Variants in SSX2IP observed in about 807,000 individuals in gnomAD.
SSX2IP encodes the protein SSX family member 2 interacting protein, also known as afadin- and alpha-actinin-binding protein.
In SSX2IP, 55 loss-of-function variants were observed where a neutral mutation model predicts 84.9. The ratio of observed to expected loss-of-function variants is 0.65; its 90% CI spans 0.52 to 0.81. The LOEUF (loss-of-function observed/expected upper bound fraction) is 0.81, where lower values mean the gene tolerates loss of function less well. Ranked by LOEUF, SSX2IP falls within the 30% of genes least tolerant of loss-of-function variation. The pLI, the probability that SSX2IP is intolerant of heterozygous loss-of-function variation, is 0.00. For synonymous variants in SSX2IP, 239 were observed against 234.7 expected (o/e 1.02, Z -0.17); for missense variants, 664 against 705.2 (o/e 0.94, Z 0.66).
intron 1 of SSX2IP, among the ~76,000 whole-genome samples, chr1:84,673,906 T>C (rs557996362): frequency 7.2e-5 from 11 of 152,184 alleles, no homozygotes; most frequent in African/African-American, 4.8e-5. Context: ...TTTGCCACTT[T>C]TCTACTCATG....
At position 84,651,893 on chromosome 1, in the gene SSX2IP, G is replaced by C. The variant is rs993584788; in HGVS notation, c.1494C>G (p.Ala498=). 1 of 1,609,674 alleles carries C rather than the reference G, an allele frequency of 6.2e-7. No individual in the cohort carries two copies. The part of the protein sequence containing the change: ...QNSENVKLFS[A]FSGSSDWDNL... Reference sequence around the variant, plus strand: ...TTATAAAGTACTCACTTCCTGAGAAGGCACTGAAAAGTTTCACATTTTCTG... The same window carrying C: ...TTATAAAGTACTCACTTCCTGAGAACGCACTGAAAAGTTTCACATTTTCTG... The change falls in exon 12 of 14, where the codon GCC becomes GCG. Residue 498 remains alanine (A), a synonymous_variant. Coordinates refer to ENST00000342203, the MANE Select transcript of SSX2IP (RefSeq NM_001166293.2).
intron 2 of SSX2IP, 86 bp downstream of exon 2, chr1:84,671,091 C>G: frequency 6.8e-7 from 1 of 1,468,832 alleles, no homozygotes; most frequent in Non-Finnish European, 9.3e-7. Flanking sequence ...ACATCTTCAA[C>G]ATCTGCAGTA....
At chr1:84,648,105 AG>A (rs777915361) in intron 13 of SSX2IP, among the ~76,000 whole-genome samples, 14 of 152,292 alleles carry the variant, frequency 9.2e-5, no homozygotes, top group Non-Finnish European at 1.8e-4. Context: ...TCTACAGTGA[AG>A]GAACAATGAG....
At chr1:84,682,309 T>C (rs2911570) in intron 1 of SSX2IP, among the ~76,000 whole-genome samples, 148,599 of 152,264 alleles carry the variant, frequency 0.98, 72,602 homozygotes, top group East Asian at 1. Context: ...TCAGAGGCCA[T>C]GGTTCTCAGC....
chr1:84,669,701 T>C lies in SSX2IP; in HGVS notation c.406A>G (p.Ser136Gly), dbSNP rs777137583. 20 of 1,613,580 alleles carry C rather than the reference T, an allele frequency of 1.2e-5. No homozygotes were observed. In the Admixed American group the frequency reaches 3.2e-4, roughly 26 times the overall value. Residue 136 changes from serine (S) to glycine (G), a missense_variant, in exon 4 of 14, where the codon AGC becomes GGC. By Grantham distance (56) the Ser-to-Gly change is moderately conservative. Coordinates refer to ENST00000342203, the MANE Select transcript of SSX2IP (RefSeq NM_001166293.2). ...KLGSDMDHLQ[S>G]CYSKLKEQLE... is the part of the protein sequence containing the mutation. The stretch of plus-strand genomic sequence containing the variant: ...TCTACCTTAAGTTTTGAGTAGCAGC[T>C]CTGTAGATGGTCCATATCACTTCCC...
At chr1:84,664,893 C>T in intron 5 of SSX2IP, among the ~76,000 whole-genome samples, 1 of 152,142 alleles carries the variant, frequency 6.6e-6, no homozygotes, top group East Asian at 1.9e-4. Flanking sequence ...TAGTGAACTC[C>T]TTGTATTACT....
intron 5 of SSX2IP, 23 bp from the exon 6 acceptor site, chr1:84,664,575 T>C (rs934805914): frequency 6.5e-7 from 1 of 1,539,846 alleles, no homozygotes; most frequent in Non-Finnish European, 8.7e-7. Flanking sequence ...TTTGCTATTA[T>C]AAGCCCAGTA....
chr1:84,690,549 CCACCCCGCCCCCGCGCGCCGG>C (rs1656488564), upstream of SSX2IP: 1 of 152,278 alleles, frequency 6.6e-6, no homozygotes, highest in South Asian at 2.1e-4. Flanking sequence ...TCCGAGGTTC[CCACCCCGCCCCCGCGCGCCGG>C]CGCCGCAGGC....
chr1:84,656,515 C>CT (rs1166412703), intron 9 of SSX2IP, 31 bp from the exon 10 acceptor site: 1 of 1,593,256 alleles, frequency 6.3e-7, no homozygotes, highest in East Asian at 2.3e-5. Context: ...TGACATAGGT[C>CT]TTATAGCCAC....
intron 9 of SSX2IP, among the ~76,000 whole-genome samples, chr1:84,657,082 T>C (rs1448176876): frequency 2.0e-5 from 3 of 152,180 alleles, no homozygotes; most frequent in Non-Finnish European, 4.4e-5. Context: ...CTTAACACAA[T>C]GGCACTGAGT....
At chr1:84,666,881 T>C (rs1014150713) in intron 4 of SSX2IP, among the ~76,000 whole-genome samples, 2 of 152,176 alleles carry the variant, frequency 1.3e-5, no homozygotes, top group African/African-American at 2.4e-5. Flanking sequence ...GCCACCCATA[T>C]GGAATATTTT....
intron 4 of SSX2IP, 140 bp downstream of exon 4, chr1:84,669,541 A>G (rs182514629): frequency 2.7e-5 from 18 of 668,098 alleles, no homozygotes; most frequent in African/African-American, 1.8e-5. Flanking sequence ...TGTGTAAATT[A>G]TAAGTTCACT....
chr1:84,665,791 G>A (rs1487431267), intron 5 of SSX2IP, among the ~76,000 whole-genome samples: 1 of 152,154 alleles, frequency 6.6e-6, no homozygotes, highest in Non-Finnish European at 1.5e-5. Flanking sequence ...AGGTACAGCA[G>A]AGAATAAAAG....
intron 13 of SSX2IP, among the ~76,000 whole-genome samples, chr1:84,648,969 G>A (rs1235906632): frequency 6.6e-6 from 1 of 152,020 alleles, no homozygotes; most frequent in African/African-American, 2.4e-5. Context: ...TTATATTACA[G>A]ACTCCTACAA....
upstream of SSX2IP, chr1:84,690,700 G>C (rs911264057): frequency 6.6e-6 from 1 of 152,310 alleles, no homozygotes; most frequent in East Asian, 1.9e-4. Flanking sequence ...AGAAAAAGAA[G>C]ACCTTATCCC....
At chr1:84,660,136 T>C (rs1651726040) in intron 8 of SSX2IP, among the ~76,000 whole-genome samples, 1 of 151,954 alleles carries the variant, frequency 6.6e-6, no homozygotes, top group South Asian at 2.1e-4. Flanking sequence ...TTTCTCTTGC[T>C]ATAATGCTTC....
In SSX2IP at chr1:84,671,310, T is replaced by TAAATGGTCCTGAACA; in HGVS notation, c.-89-3_-89-2insTGTTCAGGACCATTT. On this transcript the variant is annotated splice_polypyrimidine_tract_variant and splice_region_variant and intron_variant, in intron 1 of 13. Transcript: ENST00000342203. ...GTCACTCTTCTATGTAGGCATCTCC[T>TAAATGGTCCTGAACA]TAAAAAGCAGATTATAGAATAATAG... 6.5e-7 allele frequency: 1 copy of TAAATGGTCCTGAACA among 1,549,586 alleles called. No homozygotes were observed.
intron 5 of SSX2IP, among the ~76,000 whole-genome samples, 197 bp downstream of exon 5, chr1:84,665,924 TG>T (rs1652718269): frequency 6.6e-6 from 1 of 152,122 alleles, no homozygotes; most frequent in Non-Finnish European, 1.5e-5. Flanking sequence ...ATGGATCCAC[TG>T]GGGGCGGGGT....
intron 1 of SSX2IP, among the ~76,000 whole-genome samples, chr1:84,684,783 A>C (rs945051759): frequency 1.3e-5 from 2 of 152,238 alleles, no homozygotes; most frequent in African/African-American, 4.8e-5. Context: ...ATTATGCAGT[A>C]ATCAGAAAAC....
Sources: allele counts gnomAD v4.1 joint callset (sites outside exome capture counted in the v4.1 genomes callset), GRCh38; gene constraint gnomAD v4.1.1; transcripts MANE v1.5; gene names NCBI Gene and HGNC (gene_info 2026-07-23, HGNC 2026-07-21).